MUC4: variants seen among roughly 807,000 people sequenced by gnomAD.
MUC4 encodes the protein mucin 4, cell surface associated.
MUC4 carries 202 observed loss-of-function variants against 257.9 expected under a neutral mutation model. The observed-to-expected ratio is 0.78, with a 90% CI of 0.70 to 0.88. The LOEUF (loss-of-function observed/expected upper bound fraction) is 0.88, where lower values mean the gene tolerates loss of function less well. MUC4 is among the 40% of genes least tolerant of loss of function. The pLI is 0.00. For missense variants in MUC4, 5,976 were observed against 6,513.7 expected (o/e 0.92, Z 2.84); for synonymous variants, 2,351 against 2,757.1 (o/e 0.85, Z 4.62).
chr3:195,748,870 GTCC>G, intron 24 of MUC4, 29 bp downstream of exon 24: 8 of 1,533,768 alleles, frequency 5.2e-6, no homozygotes, highest in South Asian at 1.3e-5. Flanking sequence ...CCCCAGCACT[GTCC>G]TCCACCTCCT....
Position 195,781,101 on chromosome 3 carries a change from G to A in MUC4, c.10479C>T (p.Ile3493=), listed in dbSNP as rs1263443720. The part of the protein sequence containing the change: ...TGHTTPLHVT[I]PSSASTGDTS... The stretch of plus-strand genomic sequence containing the variant: ...TGTCACCTGTGGATGCTGAGGAAGG[G>A]ATGGTGACATGAAGAGGGGTGGTGT... Residue 3493 remains isoleucine (I), a synonymous_variant, in exon 2 of 25, where the codon ATC becomes ATT. Transcript: ENST00000463781. The A allele has an allele frequency of 6.7e-7, 1 of 1,485,160 alleles. No individual in the cohort carries two copies. Among genetic ancestry groups the A allele is most frequent in the Non-Finnish European group, 9.0e-7 (1 of 1,109,270 alleles). The allele number at this position is 1,485,160 out of a possible 1,614,324, so 92.0% of individuals were successfully genotyped here. A position where few individuals can be genotyped will look rare whatever the true frequency, so the allele number is the denominator to read the frequency against.
Position 195,788,747 on chromosome 3 carries a change from T to C in MUC4, c.2833A>G (p.Thr945Ala), listed in dbSNP as rs973847481. The change falls in exon 2 of 25, where the codon ACT becomes GCT. Residue 945 changes from threonine to alanine, a missense_variant. This residue lies in a region of MUC4 where 1,583 missense variants were observed against 1,257.4 expected (regional missense o/e 1.26). Coordinates refer to ENST00000463781, the MANE Select transcript of MUC4 (RefSeq NM_018406.7). ...VPPTPPSITS[T>A]GLTSPQTETH... ...TCGGTTTGTGGAGATGTAAGCCCAG[T>C]GGATGTGATCGATGGAGGTGTGGGT... 12 of 1,611,256 alleles carry C rather than the reference T, an allele frequency of 7.4e-6. No individual in the cohort carries two copies. The African/African-American group carries it at 1.6e-4, about 22-fold the overall frequency.
chr3:195,764,017 C>G (rs747110515), intron 11 of MUC4, 28 bp downstream of exon 11: 1 of 1,598,370 alleles, frequency 6.3e-7, no homozygotes, highest in Non-Finnish European at 8.5e-7. Context: ...CCCAGAGGCT[C>G]TTCCTGGGCC....
chr3:195,773,594 G>A (rs1446066224), intron 4 of MUC4, among the ~76,000 whole-genome samples: 1 of 136,366 alleles, frequency 7.3e-6, no homozygotes, highest in African/African-American at 2.7e-5. Flanking sequence ...CCATCGCTCA[G>A]CAGGTGTGGA....
Position 195,788,667 on chromosome 3 carries a change from G to C in MUC4, c.2913C>G (p.Ile971Met). The C allele has an allele frequency of 1.3e-6, 2 of 1,579,900 alleles. No homozygotes were observed. The highest frequency in any genetic ancestry group is 1.7e-6 in the Non-Finnish European group (2 of 1,171,464). The change falls in exon 2 of 25, where the codon ATC (isoleucine) becomes ATG (methionine). Residue 971 changes from isoleucine to methionine, a missense_variant. Transcript: ENST00000463781. ...GSGKTFTTAL[I>M]SNATPLPVTY... ...TGACAGGAAGAGGGGTGGCGTTGCT[G>C]ATGAGGGCCGTGGTGAAGGTTTTAC...
rs776224496 is a variant in MUC4, at chr3:195,778,802, T to C, written c.12778A>G (p.Met4260Val). ...STVSSDSPLK[M>V]ETPGMTTPSL... is the part of the protein sequence containing the mutation. ...AGTTGGCAGCTACCTGGTGTTTCCATCTTCAGAGGGGAGTCCGAGGATACT... is the reference window on the plus strand; with the variant it reads ...AGTTGGCAGCTACCTGGTGTTTCCACCTTCAGAGGGGAGTCCGAGGATACT... Residue 4260 changes from methionine to valine, a missense_variant, in exon 2 of 25, where the codon ATG becomes GTG. By Grantham distance (21) the Met-to-Val change is conservative (BLOSUM62 1). This residue lies in a region of MUC4 where 233 missense variants were observed against 171.2 expected (regional missense o/e 1.36). Transcript: ENST00000463781. The C allele has an allele frequency of 1.2e-6, 2 of 1,610,584 alleles. No individual in the cohort carries two copies. The highest frequency in any genetic ancestry group is 1.7e-6 in the Non-Finnish European group (2 of 1,178,422).
intron 1 of MUC4, among the ~76,000 whole-genome samples, chr3:195,808,583 CT>C (rs1736293694): frequency 1.3e-5 from 2 of 152,316 alleles, no homozygotes; most frequent in East Asian, 1.9e-4. Flanking sequence ...CCCCTTCCCC[CT>C]GGGCTCAGTT....
At position 195,762,079 on chromosome 3, in the gene MUC4, G is replaced by C; in HGVS notation, c.14512+8C>G. On this transcript the variant is annotated splice_region_variant and intron_variant, in intron 14 of 24. Coordinates refer to ENST00000463781, the MANE Select transcript of MUC4 (RefSeq NM_018406.7). ...GGAGCCTCAGAGGCAGGTCCGAGCC[G>C]CCCTCACCCAGGAGCCCCTCCGTGC... 4 of 1,581,442 alleles carry C rather than the reference G, an allele frequency of 2.5e-6. No homozygotes were observed. The highest frequency in any genetic ancestry group is 3.4e-6 in the Non-Finnish European group (4 of 1,168,764).
intron 24 of MUC4, among the ~76,000 whole-genome samples, chr3:195,748,292 G>A (rs1371438739): frequency 6.6e-6 from 1 of 152,280 alleles, no homozygotes; most frequent in Non-Finnish European, 1.5e-5. Context: ...GCCCTGGCGC[G>A]GTGGCTCACG....
chr3:195,782,037 G>T lies in MUC4; in HGVS notation c.9543C>A (p.Asp3181Glu). 6.7e-7 allele frequency: 1 copy of T among 1,495,952 alleles called. No homozygotes were observed. The highest frequency in any genetic ancestry group is 8.9e-7 in the Non-Finnish European group (1 of 1,117,760). 92.7% of individuals were successfully genotyped at this position (1,495,952 alleles called of 1,614,324 possible). ...GGCTAGTGACAGGAAGAGGCGTGGT[G>T]TCACCTGTGGATACTGAGGAAAGGC... ...VTSLSSVSTGDTTPLPVTSPS... is the reference protein window; with the variant it reads ...VTSLSSVSTGETTPLPVTSPS... The change falls in exon 2 of 25, where the codon GAC becomes GAA. Residue 3181 changes from aspartate to glutamate, a missense_variant. Transcript: ENST00000463781.
At chr3:195,800,323 C>A (rs1163817423) in intron 1 of MUC4, among the ~76,000 whole-genome samples, 1 of 152,066 alleles carries the variant, frequency 6.6e-6, no homozygotes, top group Non-Finnish European at 1.5e-5. Context: ...TCCTGGTAGT[C>A]CTCCTTTTAA....
chr3:195,756,755 C>T (rs1444179526), intron 18 of MUC4, among the ~76,000 whole-genome samples: 2 of 152,030 alleles, frequency 1.3e-5, no homozygotes, highest in Middle Eastern at 3.4e-3. Context: ...CTCCACCTCC[C>T]GGGTGCAAGC....
At position 195,781,272 on chromosome 3, in the gene MUC4, A is replaced by T. The variant is rs1393653547; in HGVS notation, c.10308T>A (p.Gly3436=). The T allele has an allele frequency of 3.3e-6, 5 of 1,505,886 alleles. No homozygotes were observed. In the African/African-American group the frequency reaches 6.1e-5, roughly 18 times the overall value. 93.3% of individuals were successfully genotyped at this position (1,505,886 alleles called of 1,614,324 possible). ...TGGTGACAGGAACAGGGGTGGCGTG[A>T]CCGGTGGATGCTGAGGAAGTGCTGG... ...PVTSTSSAST[G]HATPVPVTST... is the part of the protein sequence containing the mutation. Residue 3436 remains glycine, a synonymous_variant, in exon 2 of 25, where the codon GGT becomes GGA. Coordinates refer to ENST00000463781, the MANE Select transcript of MUC4 (RefSeq NM_018406.7).
intron 1 of MUC4, among the ~76,000 whole-genome samples, chr3:195,804,214 A>C (rs1735698071): frequency 6.6e-6 from 1 of 152,156 alleles, no homozygotes; most frequent in African/African-American, 2.4e-5. Flanking sequence ...TCAGCCAGAG[A>C]TCTCCCATCA....
At position 195,810,742 on chromosome 3, in the gene MUC4, T is replaced by C. The variant is rs974360485; in HGVS notation, c.82+994A>G. 6.6e-6 allele frequency among the ~76,000 whole-genome samples: 1 copy of C among 152,142 alleles called. No homozygotes were observed. Among genetic ancestry groups the C allele is most frequent in the Non-Finnish European group, 1.5e-5 (1 of 68,004 alleles). ...GTCGCTTCCCTTGCTTGCTGCTGTC[T>C]CCCGATCTTCTCCTCTCTCCATTCC... On this transcript the variant is annotated intron_variant, in intron 1 of 24. Coordinates refer to ENST00000463781, the MANE Select transcript of MUC4 (RefSeq NM_018406.7). This position sits in a 1 kb window ranked among gnomAD's most constrained non-coding sequence, Gnocchi z 4.2.
At chr3:195,767,973 C>T (rs1360104238) in intron 7 of MUC4, among the ~76,000 whole-genome samples, 1 of 151,680 alleles carries the variant, frequency 6.6e-6, no homozygotes, top group Non-Finnish European at 1.5e-5. Flanking sequence ...ACCACTATCG[C>T]CATCACCGTC....
In MUC4 at chr3:195,793,593, A is replaced by C. The variant is rs549669633; in HGVS notation, c.83-2096T>G. 3.3e-5 allele frequency among the ~76,000 whole-genome samples: 5 copies of C among 152,254 alleles called. No individual in the cohort carries two copies. In the East Asian group the frequency reaches 9.6e-4, roughly 29 times the overall value. ...AAGGCCCCTGATAAGCACTGCTTCA[A>C]ATCGCCTAGAAAAAGCACAGTTGCA... is the stretch of plus-strand genomic sequence containing the variant. On this transcript the variant is annotated intron_variant, in intron 1 of 24. Coordinates refer to ENST00000463781, the MANE Select transcript of MUC4 (RefSeq NM_018406.7).
At chr3:195,765,473 A>T (rs774271257) in intron 8 of MUC4, 24 bp from the exon 9 acceptor site, 2 of 1,604,230 alleles carry the variant, frequency 1.2e-6, no homozygotes, top group African/African-American at 1.3e-5. Context: ...TGGGGGGGAA[A>T]GGGCTTATCC....
At chr3:195,803,426 G>A (rs1735596913) in intron 1 of MUC4, among the ~76,000 whole-genome samples, 1 of 152,318 alleles carries the variant, frequency 6.6e-6, no homozygotes, top group African/African-American at 2.4e-5. Flanking sequence ...TAAACTATCC[G>A]TTTAATATAA....
Sources: allele counts gnomAD v4.1 joint callset (sites outside exome capture counted in the v4.1 genomes callset), GRCh38; gene constraint gnomAD v4.1.1; regional missense constraint gnomAD v4.1.1; non-coding constraint Gnocchi (gnomAD v3.1); transcripts MANE v1.5; gene names NCBI Gene and HGNC (gene_info 2026-07-23, HGNC 2026-07-21).